Variants in DPYD observed in about 807,000 individuals in gnomAD.
DPYD encodes dihydropyrimidine dehydrogenase [NADP(+)].
A neutral mutation model predicts 116.2 loss-of-function variants in DPYD; 109 were observed. The observed-to-expected ratio is 0.94, with a 90% CI of 0.80 to 1.10. The LOEUF (loss-of-function observed/expected upper bound fraction) is 1.10, where lower values mean the gene tolerates loss of function less well. DPYD is among the 50% of genes least tolerant of loss of function. The pLI is 0.00. For synonymous variants in DPYD, 440 were observed against 432.0 expected, an observed-to-expected ratio of 1.02 and a Z score of -0.23; for missense variants, 1,302 against 1,254.5, an observed-to-expected ratio of 1.04 and a Z score of -0.57.
At chr1:97,353,387 C>T (rs1193031270) in intron 16 of DPYD, among the ~76,000 whole-genome samples, 5 of 152,154 alleles carry the variant, frequency 3.3e-5, no homozygotes, top group Non-Finnish European at 5.9e-5. Flanking sequence ...ATATTTAGTG[C>T]TTCCCACCGT....
At chr1:97,572,405 G>C (rs1652963606) in intron 11 of DPYD, among the ~76,000 whole-genome samples, 1 of 151,902 alleles carries the variant, frequency 6.6e-6, no homozygotes, top group South Asian at 2.1e-4. Flanking sequence ...GTTCAGGTTT[G>C]TTTAGGAAAA....
chr1:97,334,637 G>T (rs1423026842), intron 16 of DPYD, among the ~76,000 whole-genome samples: 1 of 152,202 alleles, frequency 6.6e-6, no homozygotes, highest in East Asian at 1.9e-4. Flanking sequence ...TGAAAAGAAT[G>T]TTGGCTTTGG....
chr1:97,546,503 A>G (rs1650877537), intron 12 of DPYD: 1 of 1,602,828 alleles, frequency 6.2e-7, no homozygotes, highest in Non-Finnish European at 8.5e-7. Context: ...CAAAACAAAG[A>G]TGATGAAGCA....
At chr1:97,134,052 TATATATATATATATA>T (rs1653593606) in intron 20 of DPYD, among the ~76,000 whole-genome samples, 1 of 76,494 alleles carries the variant, frequency 1.3e-5, no homozygotes, top group Non-Finnish European at 2.6e-5. Flanking sequence ...TATATATATA[TATATATATATATATA>T]TTCTAATTAT....
At chr1:97,612,037 G>A (rs1366099990) in intron 8 of DPYD, among the ~76,000 whole-genome samples, 1 of 152,016 alleles carries the variant, frequency 6.6e-6, no homozygotes, top group Non-Finnish European at 1.5e-5. Context: ...AGTGGCTCAT[G>A]TGTAATCTGG....
chr1:97,261,388 A>T (rs1463670538), intron 18 of DPYD, among the ~76,000 whole-genome samples: 2 of 151,940 alleles, frequency 1.3e-5, no homozygotes, highest in Non-Finnish European at 2.9e-5. Flanking sequence ...ATTAATGTAG[A>T]GATCCAACTG....
intron 20 of DPYD, among the ~76,000 whole-genome samples, chr1:97,122,345 T>C (rs938568457): frequency 2.6e-5 from 4 of 152,156 alleles, no homozygotes; most frequent in Non-Finnish European, 5.9e-5. Flanking sequence ...TTTGGTTTTG[T>C]GGCAGTGATG....
Position 97,302,948 on chromosome 1 carries a change from C to T in DPYD, c.2299+2311G>A, listed in dbSNP as rs116820012. Among the ~76,000 whole-genome samples, 1,055 of 152,040 alleles carry T rather than the reference C, an allele frequency of 6.9e-3. 21 individuals are homozygous for T. The highest frequency in any genetic ancestry group is 0.024 in the African/African-American group (994 of 41,528). Reference sequence around the variant, plus strand: ...TATCGGAAATAATTCCACTGACATTCCTTAGCTGAGATCCCGTTTTCCCAA... The same window carrying T: ...TATCGGAAATAATTCCACTGACATTTCTTAGCTGAGATCCCGTTTTCCCAA... On this transcript the variant is annotated intron_variant, in intron 18 of 22. Coordinates refer to ENST00000370192, the MANE Select transcript of DPYD (RefSeq NM_000110.4).
intron 12 of DPYD, among the ~76,000 whole-genome samples, chr1:97,539,963 A>G (rs1467787005): frequency 1.3e-5 from 2 of 151,992 alleles, no homozygotes; most frequent in African/African-American, 2.4e-5. Context: ...CGCCTTCTGA[A>G]TGCTGTGTGA....
chr1:97,494,782 G>A (rs145424440), intron 13 of DPYD, among the ~76,000 whole-genome samples: 12 of 141,200 alleles, frequency 8.5e-5, no homozygotes, highest in Admixed American at 1.4e-4. Context: ...ACACACATAC[G>A]CACACACACA....
At chr1:97,197,903 A>C (rs1658926537) in intron 19 of DPYD, among the ~76,000 whole-genome samples, 2 of 152,162 alleles carry the variant, frequency 1.3e-5, no homozygotes, top group Non-Finnish European at 1.5e-5. Context: ...ACCATGAGAC[A>C]CGAGTGCTGG....
intron 5 of DPYD, among the ~76,000 whole-genome samples, chr1:97,715,156 A>C (rs1021737453): frequency 6.6e-6 from 1 of 152,132 alleles, no homozygotes; most frequent in African/African-American, 2.4e-5. Flanking sequence ...TATGTCCAAA[A>C]TGGGAAAAAA....
At chr1:97,534,057 A>C (rs1212212072) in intron 12 of DPYD, among the ~76,000 whole-genome samples, 1 of 152,170 alleles carries the variant, frequency 6.6e-6, no homozygotes, top group Non-Finnish European at 1.5e-5. Context: ...TGTCCTCATA[A>C]TCTAAAACAT....
intron 18 of DPYD, among the ~76,000 whole-genome samples, chr1:97,282,474 G>A (rs1167694802): frequency 1.3e-5 from 2 of 151,796 alleles, no homozygotes; most frequent in East Asian, 3.9e-4. Flanking sequence ...GACTCTAATA[G>A]ACAAAAGCAG....
chr1:97,659,172 T>C (rs1457983947), intron 8 of DPYD, among the ~76,000 whole-genome samples: 3 of 152,214 alleles, frequency 2.0e-5, no homozygotes, highest in Non-Finnish European at 4.4e-5. Context: ...GTTGTAATTA[T>C]GTTACTTTAC....
rs1474196547 is a variant in DPYD, at chr1:97,700,536, C to T, written c.484-989G>A. 5.3e-5 allele frequency among the ~76,000 whole-genome samples: 8 copies of T among 151,942 alleles called. No homozygotes were observed. In the East Asian group the frequency reaches 1.3e-3, roughly 26 times the overall value. On this transcript the variant is annotated intron_variant, in intron 5 of 22. Transcript: ENST00000370192. ...CCAACCTAGCCTTGAGTCAACTCAG[C>T]CCTGGATTTAAATGACAGTGATCAG... is the stretch of plus-strand genomic sequence containing the variant.
At chr1:97,746,920 T>C (rs532167508) in intron 3 of DPYD, among the ~76,000 whole-genome samples, 2 of 151,882 alleles carry the variant, frequency 1.3e-5, no homozygotes, top group Admixed American at 1.3e-4. Context: ...TTGGATTTTT[T>C]TTGTTGTTGT....
chr1:97,392,447 T>C (rs1284104321), intron 14 of DPYD, among the ~76,000 whole-genome samples: 1 of 151,926 alleles, frequency 6.6e-6, no homozygotes, highest in Non-Finnish European at 1.5e-5. Flanking sequence ...ATCGAATTCC[T>C]GGGTGCTGTA....
At chr1:97,152,439 TACACACACAC>T (rs71590217) in intron 20 of DPYD, among the ~76,000 whole-genome samples, 2 of 145,274 alleles carry the variant, frequency 1.4e-5, no homozygotes, top group African/African-American at 2.5e-5. Context: ...CTGAATCACA[TACACACACAC>T]ACACACACAC....
Sources: gnomAD v4.1 joint callset for allele counts (sites outside exome capture counted in the v4.1 genomes callset) on GRCh38, gnomAD v4.1.1 for gene constraint, MANE v1.5 for transcripts, NCBI Gene and HGNC (gene_info 2026-07-23, HGNC 2026-07-21) for gene names.